Variants in ITGA9 observed in about 807,000 individuals in gnomAD.
ITGA9 encodes the protein integrin subunit alpha 9.
In ITGA9, 56 loss-of-function variants were observed where a neutral mutation model predicts 127.8. The ratio of observed to expected loss-of-function variants is 0.44; its 90% CI spans 0.35 to 0.55. The LOEUF is 0.55. Among genes scored for constraint, ITGA9 ranks in the 20% least tolerant of loss-of-function variants. ITGA9 has a pLI of 0.00. For missense variants in ITGA9, 1,196 were observed against 1,347.1 expected (o/e 0.89, Z 1.76); for synonymous variants, 508 against 514.5 (o/e 0.99, Z 0.17).
chr3:37,754,543 G>A (rs1696627550), intron 23 of ITGA9, among the ~76,000 whole-genome samples: 1 of 152,100 alleles, frequency 6.6e-6, no homozygotes, highest in South Asian at 2.1e-4. Flanking sequence ...TGGCCTCTCT[G>A]GCTTGTTGTT....
At chr3:37,697,151 G>A (rs1056842926) in intron 18 of ITGA9, among the ~76,000 whole-genome samples, 2 of 152,104 alleles carry the variant, frequency 1.3e-5, no homozygotes, top group African/African-American at 2.4e-5. Flanking sequence ...CTGGGCCAGA[G>A]AGTGGCTAGA....
At chr3:37,706,589 C>T (rs1701008204) in intron 18 of ITGA9, among the ~76,000 whole-genome samples, 1 of 152,158 alleles carries the variant, frequency 6.6e-6, no homozygotes, top group Non-Finnish European at 1.5e-5. Flanking sequence ...AGCACTCACG[C>T]CCCAGCTCCA....
intron 1 of ITGA9, among the ~76,000 whole-genome samples, chr3:37,465,292 G>A (rs1252765368): frequency 1.3e-5 from 2 of 152,122 alleles, no homozygotes; most frequent in Admixed American, 1.3e-4. Flanking sequence ...GGTTCAGAGC[G>A]AGGTGGGCGG....
intron 18 of ITGA9, among the ~76,000 whole-genome samples, chr3:37,709,290 G>A (rs2685075): frequency 0.079 from 11,971 of 152,156 alleles, 632 homozygotes; most frequent in East Asian, 0.11. Flanking sequence ...GGCATGTGAA[G>A]CTGGCTGGGA....
In ITGA9 at chr3:37,542,569, A is replaced by G. The variant is rs916788214; in HGVS notation, c.1673A>G (p.Tyr558Cys). Residue 558 changes from tyrosine to cysteine, a missense_variant, in exon 15 of 28, where the codon TAT becomes TGT. Physicochemically the swap from Tyr to Cys is radical, Grantham distance 194. Coordinates refer to ENST00000264741, the MANE Select transcript of ITGA9 (RefSeq NM_002207.3). ...LTYMEETCRH[Y>C]VAHVKRRVQD... is the part of the protein sequence containing the mutation. ...TACATGGAGGAGACGTGTCGTCACT[A>G]TGTGGCCCATGTGAAGGTCAGTCCT... 1.6e-5 allele frequency: 26 copies of G among 1,613,976 alleles called. No homozygotes were observed. The highest frequency in any genetic ancestry group is 3.3e-5 in the Admixed American group (2 of 60,002).
chr3:37,616,947 A>G (rs1407894838), intron 15 of ITGA9, among the ~76,000 whole-genome samples: 2 of 152,244 alleles, frequency 1.3e-5, no homozygotes, highest in African/African-American at 2.4e-5. Context: ...TAATTGGAGC[A>G]TTTAGCCCAT....
chr3:37,635,730 T>G (rs1700271138), intron 16 of ITGA9, among the ~76,000 whole-genome samples: 1 of 151,756 alleles, frequency 6.6e-6, no homozygotes. Flanking sequence ...GCTGCACCCA[T>G]TAACTAGTCA....
chr3:37,469,826 C>T (rs1698409268), intron 1 of ITGA9, among the ~76,000 whole-genome samples: 1 of 152,158 alleles, frequency 6.6e-6, no homozygotes, highest in Non-Finnish European at 1.5e-5. Flanking sequence ...GACAGAGTCT[C>T]ACTCTGTTGC....
chr3:37,747,102 T>G (rs957071344), intron 22 of ITGA9, among the ~76,000 whole-genome samples: 7 of 152,214 alleles, frequency 4.6e-5, no homozygotes, highest in African/African-American at 1.7e-4. Context: ...ATTTTATATT[T>G]TACTCATCTT....
intron 17 of ITGA9, among the ~76,000 whole-genome samples, chr3:37,668,763 A>G (rs1480445894): frequency 1.3e-5 from 2 of 152,160 alleles, no homozygotes; most frequent in East Asian, 3.9e-4. Flanking sequence ...GTTCTGAGCC[A>G]CCTGATATAA....
At chr3:37,533,932 G>A (rs145383681) in intron 14 of ITGA9, among the ~76,000 whole-genome samples, 102 of 152,300 alleles carry the variant, frequency 6.7e-4, no homozygotes, top group African/African-American at 2.3e-3. Context: ...GGTGGGATTC[G>A]GATGCTGGTG....
intron 16 of ITGA9, among the ~76,000 whole-genome samples, chr3:37,631,819 T>C (rs564854950): frequency 6.6e-6 from 1 of 152,264 alleles, no homozygotes; most frequent in Admixed American, 6.5e-5. Flanking sequence ...GAGTTGACTT[T>C]TCACCATTGT....
intron 17 of ITGA9, among the ~76,000 whole-genome samples, chr3:37,664,522 G>A (rs1029860124): frequency 5.3e-5 from 8 of 149,584 alleles, no homozygotes; most frequent in Non-Finnish European, 1.0e-4. Context: ...CCGGGCTCAA[G>A]CGATTCTCCT....
rs186041358 is a variant in ITGA9, at chr3:37,762,977, C to T, written c.2541+12408C>T. Among the ~76,000 whole-genome samples the T allele has an allele frequency of 2.6e-5, 4 of 152,330 alleles. No homozygotes were observed. In the East Asian group the frequency reaches 7.7e-4, roughly 29 times the overall value. ...ACTTAAATCTCTGCTCTCCCATTTT[C>T]TTATCTGTAAAATGGTGATGACAGT... On this transcript the variant is annotated intron_variant, in intron 23 of 27. Transcript: ENST00000264741.
intron 15 of ITGA9, among the ~76,000 whole-genome samples, chr3:37,546,816 G>T (rs1699330807): frequency 6.6e-6 from 1 of 152,214 alleles, no homozygotes; most frequent in South Asian, 2.1e-4. Context: ...GATGCATGGT[G>T]TGTGCCAAAG....
intron 15 of ITGA9, among the ~76,000 whole-genome samples, chr3:37,589,141 G>A (rs183490309): frequency 6.6e-6 from 1 of 152,324 alleles, no homozygotes; most frequent in Non-Finnish European, 1.5e-5. Flanking sequence ...AGTTGTGTAG[G>A]TGGAAGATGA....
At chr3:37,494,655 A>C in intron 5 of ITGA9, 87 bp downstream of exon 5, 1 of 1,054,250 alleles carries the variant, frequency 9.5e-7, no homozygotes, top group Non-Finnish European at 1.5e-6. Flanking sequence ...TAGAGGTGGG[A>C]CTTCTGGAGT....
chr3:37,616,975 A>G (rs1285512203), intron 15 of ITGA9, among the ~76,000 whole-genome samples: 2 of 152,126 alleles, frequency 1.3e-5, no homozygotes, highest in African/African-American at 4.8e-5. Flanking sequence ...TAAGGTTAAT[A>G]TTGTTATGTG....
chr3:37,741,842 G>A (rs780287832), intron 21 of ITGA9, 23 bp downstream of exon 21: 22 of 1,591,640 alleles, frequency 1.4e-5, no homozygotes, highest in Non-Finnish European at 1.9e-5. Flanking sequence ...GTCCTGGGTT[G>A]CCACAACACA....
Sources: allele counts gnomAD v4.1 joint callset (sites outside exome capture counted in the v4.1 genomes callset), GRCh38; gene constraint gnomAD v4.1.1; transcripts MANE v1.5; gene names NCBI Gene and HGNC (gene_info 2026-07-23, HGNC 2026-07-21).